Variants in CCDC170 observed in about 807,000 individuals in gnomAD.
The protein encoded by CCDC170 is coiled-coil domain-containing protein 170.
In CCDC170, 69 loss-of-function variants were observed where a neutral mutation model predicts 72.6. The observed-to-expected ratio is 0.95, with a 90% CI of 0.78 to 1.16. The LOEUF is 1.16. CCDC170 is among the 50% of genes most tolerant of loss of function. The pLI is 0.00. For missense variants in CCDC170, 852 were observed against 832.5 expected (o/e 1.02, Z -0.29); for synonymous variants, 300 against 303.9 (o/e 0.99, Z 0.13).
chr6:151,588,927 C>T (rs1385678796), intron 7 of CCDC170, among the ~76,000 whole-genome samples: 1 of 151,754 alleles, frequency 6.6e-6, no homozygotes. Context: ...CAGAGTGAGA[C>T]CCCGTCTCAA....
At chr6:151,583,784 AGAGG>A (rs1776412465) in intron 6 of CCDC170, among the ~76,000 whole-genome samples, 1 of 152,180 alleles carries the variant, frequency 6.6e-6, no homozygotes, top group Non-Finnish European at 1.5e-5. Context: ...TTGAAAACTT[AGAGG>A]CCATTGTAAG....
chr6:151,607,709 T>A (rs1415224776), intron 9 of CCDC170, among the ~76,000 whole-genome samples: 5 of 152,188 alleles, frequency 3.3e-5, no homozygotes, highest in African/African-American at 1.2e-4. Flanking sequence ...CCACTGTTAA[T>A]CTGATGGAAG....
chr6:151,529,926 AG>A (rs150788883), intron 1 of CCDC170, among the ~76,000 whole-genome samples: 2,545 of 152,320 alleles, frequency 0.017, 75 homozygotes, highest in African/African-American at 0.058. Context: ...TAGAAGGGCC[AG>A]AAAGCATGAG....
intron 9 of CCDC170, among the ~76,000 whole-genome samples, chr6:151,603,681 G>A (rs910262954): frequency 1.3e-5 from 2 of 152,172 alleles, no homozygotes; most frequent in African/African-American, 4.8e-5. Flanking sequence ...CTGGAAAGAA[G>A]CACCTGGTGA....
chr6:151,581,425 T>G (rs541425668), intron 6 of CCDC170, among the ~76,000 whole-genome samples: 3 of 152,332 alleles, frequency 2.0e-5, no homozygotes, highest in Admixed American at 6.5e-5. Context: ...CCATTCAAGT[T>G]TGATCATGAG....
At chr6:151,558,055 C>T (rs183057369) in intron 5 of CCDC170, among the ~76,000 whole-genome samples, 133 of 152,074 alleles carry the variant, frequency 8.7e-4, no homozygotes, top group Non-Finnish European at 1.4e-3. Flanking sequence ...GCCGAGATTG[C>T]GCCACTGCAC....
At chr6:151,601,084 G>A (rs1300204977) in intron 9 of CCDC170, among the ~76,000 whole-genome samples, 2 of 152,148 alleles carry the variant, frequency 1.3e-5, no homozygotes, top group East Asian at 3.9e-4. Context: ...AAAAGAAAGA[G>A]GTTTAATGGA....
intron 1 of CCDC170, among the ~76,000 whole-genome samples, chr6:151,512,133 C>T (rs1472637764): frequency 6.6e-6 from 1 of 151,538 alleles, no homozygotes; most frequent in Non-Finnish European, 1.5e-5. Context: ...GGGTAAGCCA[C>T]TGCACCCAGC....
intron 1 of CCDC170, among the ~76,000 whole-genome samples, chr6:151,523,944 G>A (rs1300815656): frequency 6.6e-6 from 1 of 152,204 alleles, no homozygotes; most frequent in Non-Finnish European, 1.5e-5. Context: ...ATTAAAGGGT[G>A]AGGTTGGAGC....
intron 6 of CCDC170, among the ~76,000 whole-genome samples, chr6:151,584,902 A>G (rs899924687): frequency 1.3e-5 from 2 of 152,222 alleles, no homozygotes; most frequent in Non-Finnish European, 2.9e-5. Flanking sequence ...AATCTGAAAC[A>G]GTCAGGATGT....
intron 7 of CCDC170, among the ~76,000 whole-genome samples, chr6:151,586,795 AT>A (rs1291848351): frequency 6.6e-6 from 1 of 151,392 alleles, no homozygotes; most frequent in Non-Finnish European, 1.5e-5. Context: ...TATTATTTCT[AT>A]TTTTTTGAGA....
chr6:151,605,670 C>T (rs913439738), intron 9 of CCDC170, among the ~76,000 whole-genome samples: 1 of 152,044 alleles, frequency 6.6e-6, no homozygotes, highest in African/African-American at 2.4e-5. Context: ...AGGTTTTCTG[C>T]ACTTGTGGTG....
At chr6:151,563,403 C>G (rs1299400551) in intron 5 of CCDC170, among the ~76,000 whole-genome samples, 2 of 152,296 alleles carry the variant, frequency 1.3e-5, no homozygotes, top group South Asian at 2.1e-4. Flanking sequence ...CCAACAGGGA[C>G]TTGGTGGGCT....
intron 5 of CCDC170, among the ~76,000 whole-genome samples, chr6:151,552,353 CATT>C (rs1782893934): frequency 6.6e-6 from 1 of 152,056 alleles, no homozygotes. Flanking sequence ...ATGGGGTGAT[CATT>C]ATCAGGTTAT....
chr6:151,590,729 C>A (rs1321385460), intron 7 of CCDC170, among the ~76,000 whole-genome samples: 1 of 152,148 alleles, frequency 6.6e-6, no homozygotes, highest in Non-Finnish European at 1.5e-5. Flanking sequence ...GAAATAGAAA[C>A]TTTCTCTTTG....
rs1781985900 is a variant in CCDC170, at chr6:151,501,010, A to G, written c.57+6825A>G. On this transcript the variant is annotated intron_variant, in intron 1 of 10. Transcript: ENST00000239374. ...AAATTAACAGGATTATTTTTCCCCA[A>G]TTACCCAAGGGAATAAATGCCTTTT... Among the ~76,000 whole-genome samples, 5 of 152,156 alleles carry G rather than the reference A, an allele frequency of 3.3e-5. No homozygotes were observed. The South Asian group carries it at 8.3e-4, about 25-fold the overall frequency.
intron 6 of CCDC170, among the ~76,000 whole-genome samples, chr6:151,582,986 CT>C (rs35947074): frequency 0.011 from 1,058 of 94,166 alleles, 3 homozygotes; most frequent in African/African-American, 0.044. Flanking sequence ...TGGAGTAGCA[CT>C]TTTTTTTTTT....
At chr6:151,593,386 G>T (rs760429395) in intron 8 of CCDC170, 106 bp downstream of exon 8, 2 of 1,192,136 alleles carry the variant, frequency 1.7e-6, no homozygotes, top group Non-Finnish European at 2.3e-6. Context: ...AGCTAGGAAG[G>T]CTCTTATAAA....
intron 1 of CCDC170, among the ~76,000 whole-genome samples, chr6:151,514,379 G>GGGAGGGAGGGAGGGAGGGAGGGAT (rs1782203158): frequency 7.3e-6 from 1 of 136,096 alleles, no homozygotes; most frequent in Admixed American, 7.4e-5. Context: ...GAGGGAGGAA[G>GGGAGGGAGGGAGGGAGGGAGGGAT]GAAGGAAGGA....
Sources: allele counts gnomAD v4.1 joint callset (sites outside exome capture counted in the v4.1 genomes callset), GRCh38; gene constraint gnomAD v4.1.1; transcripts MANE v1.5; gene names NCBI Gene and HGNC (gene_info 2026-07-23, HGNC 2026-07-21).